RASGRP4: variants seen among roughly 807,000 people sequenced by gnomAD.
The protein encoded by RASGRP4 is RAS guanyl-releasing protein 4.
In RASGRP4, 52 loss-of-function variants were observed where a neutral mutation model predicts 84.4. The observed-to-expected ratio is 0.62, with a 90% CI of 0.49 to 0.78. The LOEUF (loss-of-function observed/expected upper bound fraction) is 0.78, where lower values mean the gene tolerates loss of function less well. RASGRP4 is among the 30% of genes least tolerant of loss of function. The pLI, the probability that RASGRP4 is intolerant of heterozygous loss-of-function variation, is 0.00. For synonymous variants in RASGRP4, 356 were observed against 359.1 expected, an observed-to-expected ratio of 0.99 and a Z score of 0.10; for missense variants, 760 against 886.9, an observed-to-expected ratio of 0.86 and a Z score of 1.82.
chr19:38,413,356 G>A lies in RASGRP4; in HGVS notation c.1311+38C>T. Reference sequence around the variant, plus strand: ...TGCATAGGCTTAGGGGGGGTTCGAGGTAATTGGGGGAGTCCGAGGCCAGGG... The same window carrying A: ...TGCATAGGCTTAGGGGGGGTTCGAGATAATTGGGGGAGTCCGAGGCCAGGG... On this transcript the variant is annotated intron_variant, in intron 10 of 16. Transcript: ENST00000615439. The surrounding 1 kb of genome is among the most constrained non-coding windows in gnomAD (Gnocchi z 4.7). 1.2e-6 allele frequency: 2 copies of A among 1,604,074 alleles called. No individual in the cohort carries two copies. The highest frequency in any genetic ancestry group is 1.7e-6 in the Non-Finnish European group (2 of 1,172,722).
intron 1 of RASGRP4, among the ~76,000 whole-genome samples, chr19:38,423,387 G>C (rs1001116076): frequency 1.3e-5 from 2 of 151,866 alleles, no homozygotes; most frequent in Non-Finnish European, 2.9e-5. Context: ...TTGGTCAGGC[G>C]TGATGGCGGG....
In RASGRP4 at chr19:38,412,508, G is replaced by T. The variant is rs568092607; in HGVS notation, c.1680+164C>A. 4.7e-4 allele frequency: 318 copies of T among 678,590 alleles called. 6 individuals carry two copies. The South Asian group carries it at 6.0e-3, about 13-fold the overall frequency. The allele number at this position is 678,590 out of a possible 1,614,324, so 42.0% of individuals were successfully genotyped here. ...GGGATTTTGGGATTATCTGGCATTTGGAGATTATCCAGGATATAGGGAATG... is the reference window on the plus strand; with the variant it reads ...GGGATTTTGGGATTATCTGGCATTTTGAGATTATCCAGGATATAGGGAATG... On this transcript the variant is annotated intron_variant, in intron 13 of 16. Coordinates refer to ENST00000615439, the MANE Select transcript of RASGRP4 (RefSeq NM_170604.3). The surrounding 1 kb of genome is among the most constrained non-coding windows in gnomAD (Gnocchi z 4.6).
rs1165829689 is a variant in RASGRP4 at position 38,417,041 on chromosome 19, G to A, written c.954+11C>T. 2.0e-6 allele frequency: 3 copies of A among 1,479,266 alleles called. No homozygotes were observed. The highest frequency in any genetic ancestry group is 2.0e-5 in the Admixed American group (1 of 51,020). 91.6% of individuals were successfully genotyped at this position (1,479,266 alleles called of 1,614,324 possible). ...ACCACTTGGAGCTTTGGGGAGGGTA[G>A]TGGGATTCACCTTGGTGCTGTCAGG... is the stretch of plus-strand genomic sequence containing the variant. On this transcript the variant is annotated intron_variant, in intron 8 of 16. Coordinates refer to ENST00000615439, the MANE Select transcript of RASGRP4 (RefSeq NM_170604.3). The surrounding 1 kb of genome is among the most constrained non-coding windows in gnomAD (Gnocchi z 5.1).
intron 2 of RASGRP4, 142 bp downstream of exon 2, chr19:38,421,827 G>A (rs1971765907): frequency 3.7e-6 from 2 of 542,044 alleles, no homozygotes; most frequent in Non-Finnish European, 6.4e-6. Flanking sequence ...AAATGCAGGT[G>A]TTTCTGTTAT....
At chr19:38,423,096 G>C (rs553757718) in intron 1 of RASGRP4, among the ~76,000 whole-genome samples, 1 of 152,050 alleles carries the variant, frequency 6.6e-6, no homozygotes, top group African/African-American at 2.4e-5. Flanking sequence ...CCAGGGACTC[G>C]GGAGAAGACC....
Position 38,417,962 on chromosome 19 carries a change from G to A in RASGRP4, c.837+429C>T, listed in dbSNP as rs80129558. Among the ~76,000 whole-genome samples the A allele has an allele frequency of 0.026, 3,904 of 151,268 alleles. 145 individuals carry two copies. The highest frequency in any genetic ancestry group is 0.084 in the African/African-American group (3,466 of 41,136). The stretch of plus-strand genomic sequence containing the variant: ...AAAGGAGGGGGAAGGGAGGGGAAGA[G>A]AAGGGCGTAACACAATGGGGCGGGG... On this transcript the variant is annotated intron_variant, in intron 7 of 16. Coordinates refer to ENST00000615439, the MANE Select transcript of RASGRP4 (RefSeq NM_170604.3). The surrounding 1 kb of genome is among the most constrained non-coding windows in gnomAD (Gnocchi z 5.1).
intron 8 of RASGRP4, 28 bp from the exon 9 acceptor site, chr19:38,415,151 C>T (rs1036791393): frequency 7.1e-6 from 11 of 1,558,204 alleles, no homozygotes; most frequent in South Asian, 2.4e-5. Context: ...GGGATTGGGG[C>T]GTTATCAGGA....
chr19:38,423,651 A>G (rs1479347068), intron 1 of RASGRP4, among the ~76,000 whole-genome samples: 1 of 151,850 alleles, frequency 6.6e-6, no homozygotes, highest in African/African-American at 2.4e-5. Flanking sequence ...AGCCTGGCCA[A>G]CATGGTGAAA....
At chr19:38,420,997 C>A (rs758122332) in intron 3 of RASGRP4, 27 bp from the exon 4 acceptor site, 1 of 1,613,346 alleles carries the variant, frequency 6.2e-7, no homozygotes. Flanking sequence ...GCTCTGTTTT[C>A]CAGGATCCAT....
At chr19:38,410,863 G>A in intron 16 of RASGRP4, 23 bp downstream of exon 16, 1 of 1,525,060 alleles carries the variant, frequency 6.6e-7, no homozygotes. Context: ...ATCCACTTGG[G>A]GGTAGGGGCG....
chr19:38,413,241 G>C lies in RASGRP4; in HGVS notation c.1368C>G (p.Pro456=), dbSNP rs146218313. ...LVVEWAPGVT[P]KPDRVTLGRH... is the part of the protein sequence containing the mutation. ...GACCCAGTGTGACCCTGTCCGGCTTGGGTGTCACACCAGGGGCCCACTCCA... is the reference window on the plus strand; with the variant it reads ...GACCCAGTGTGACCCTGTCCGGCTTCGGTGTCACACCAGGGGCCCACTCCA... Residue 456 remains proline (P), a synonymous_variant, in exon 11 of 17, where the codon CCC becomes CCG. Transcript: ENST00000615439. The surrounding 1 kb of genome is among the most constrained non-coding windows in gnomAD (Gnocchi z 4.7). 1.3e-4 allele frequency: 202 copies of C among 1,613,870 alleles called. No individual in the cohort carries two copies. The East Asian group carries it at 3.4e-3, about 27-fold the overall frequency.
Position 38,410,925 on chromosome 19 carries a change from G to A in RASGRP4, c.1926C>T (p.Thr642=). Reference sequence around the variant, plus strand: ...AGGAAGGGTGTGGGGATTCAGTCTGGGTCCAGGCATGGCGAAGCTGGCACC... The same window carrying A: ...AGGAAGGGTGTGGGGATTCAGTCTGAGTCCAGGCATGGCGAAGCTGGCACC... ...ETGCQLRHAW[T]QTESPHPSWE... is the part of the protein sequence containing the mutation. The change falls in exon 16 of 17, where the codon ACC becomes ACT. Residue 642 remains threonine, a synonymous_variant. Coordinates refer to ENST00000615439, the MANE Select transcript of RASGRP4 (RefSeq NM_170604.3). 6.2e-7 allele frequency: 1 copy of A among 1,605,010 alleles called. No individual in the cohort carries two copies. The highest frequency in any genetic ancestry group is 8.5e-7 in the Non-Finnish European group (1 of 1,175,906).
chr19:38,414,806 T>C, intron 9 of RASGRP4, 42 bp downstream of exon 9: 2 of 1,536,882 alleles, frequency 1.3e-6, no homozygotes, highest in Non-Finnish European at 1.8e-6. Context: ...TATATCTCAG[T>C]ACCCTTGGAA....
chr19:38,426,074 A>T lies in RASGRP4; in HGVS notation c.18T>A (p.Ser6Arg). The change falls in exon 1 of 17, where the codon AGT becomes AGA. Residue 6 changes from serine (S) to arginine (R), a missense_variant. Transcript: ENST00000615439. ...CCTGGGGAGGGTCCTCTCACCTCTTACTGTCTTTTCTGTTCATGCTTCCCG... is the reference window on the plus strand; with the variant it reads ...CCTGGGGAGGGTCCTCTCACCTCTTTCTGTCTTTTCTGTTCATGCTTCCCG... The part of the protein sequence containing the change: MNRKD[S>R]KRKSHQECTG... 7.4e-7 allele frequency: 1 copy of T among 1,355,448 alleles called. No homozygotes were observed. The highest frequency in any genetic ancestry group is 9.6e-7 in the Non-Finnish European group (1 of 1,044,718). 84.0% of individuals were successfully genotyped at this position (1,355,448 alleles called of 1,614,324 possible).
rs1445437450 is a variant in RASGRP4 at position 38,422,172 on chromosome 19, A to G, written c.24-19T>C. 1.3e-6 allele frequency: 2 copies of G among 1,596,242 alleles called. No homozygotes were observed. Among genetic ancestry groups the G allele is most frequent in the Non-Finnish European group, 1.7e-6 (2 of 1,171,440 alleles). ...GGACTTCCTGTGGGCACAGCCCCCA[A>G]GGAGTCATGGGAGCACCTTCTTTCG... On this transcript the variant is annotated intron_variant, in intron 1 of 16. Coordinates refer to ENST00000615439, the MANE Select transcript of RASGRP4 (RefSeq NM_170604.3).
chr19:38,421,272 C>G, intron 2 of RASGRP4, 72 bp from the exon 3 acceptor site: 2 of 1,120,246 alleles, frequency 1.8e-6, no homozygotes, highest in Non-Finnish European at 2.7e-6. Context: ...CCAGATCCTG[C>G]CGGACCACCT....
rs937175533 is a variant in RASGRP4, at chr19:38,412,772, C to T, written c.1580G>A (p.Arg527Gln). The T allele has an allele frequency of 5.0e-6, 8 of 1,607,674 alleles. No homozygotes were observed. The highest frequency in any genetic ancestry group is 3.4e-5 in the Admixed American group (2 of 58,522). ...CAACTTGGAGCAGATGGCGCTGGCC[C>T]GGAGCAGGTACCCTGTCAGCTCCTC... ...SREELTGYLLRASAICSKLGL... is the reference protein window; with the variant it reads ...SREELTGYLLQASAICSKLGL... Residue 527 changes from arginine to glutamine, a missense_variant, in exon 13 of 17, where the codon CGG becomes CAG. Coordinates refer to ENST00000615439, the MANE Select transcript of RASGRP4 (RefSeq NM_170604.3). The surrounding 1 kb of genome is among the most constrained non-coding windows in gnomAD (Gnocchi z 4.6).
chr19:38,420,743 G>A (rs532836716), intron 4 of RASGRP4, among the ~76,000 whole-genome samples, 165 bp downstream of exon 4: 15 of 152,080 alleles, frequency 9.9e-5, no homozygotes, highest in Admixed American at 9.2e-4. Flanking sequence ...GAACTAAGAG[G>A]GTCTTAGGAA....
Position 38,420,256 on chromosome 19 carries a change from C to T in RASGRP4, c.384G>A (p.Trp128Ter), listed in dbSNP as rs760133721. 1 of 1,613,074 alleles carries T rather than the reference C, an allele frequency of 6.2e-7. No homozygotes were observed. Among genetic ancestry groups the T allele is most frequent in the East Asian group, 2.2e-5 (1 of 44,862 alleles). ...RLQICHLVRY[W>*]LMRHPEVMHQ... ...GCATCACCTCAGGGTGTCGCATCAG[C>T]CAGTACCTGAGAGTGGTTTGGAGAT... Residue 128 changes from tryptophan (W) to a stop codon, truncating the protein, a stop_gained, in exon 5 of 17, where the codon TGG becomes TGA. Transcript: ENST00000615439. LOFTEE classifies it high-confidence loss of function.
Sources: gnomAD v4.1 joint callset for allele counts (sites outside exome capture counted in the v4.1 genomes callset) on GRCh38, gnomAD v4.1.1 for gene constraint, Gnocchi (gnomAD v3.1) non-coding constraint, MANE v1.5 for transcripts, NCBI Gene and HGNC (gene_info 2026-07-23, HGNC 2026-07-21) for gene names.